TRIM14: variants seen among roughly 807,000 people sequenced by gnomAD.
The protein encoded by TRIM14 is tripartite motif containing 14.
A neutral mutation model predicts 44.5 loss-of-function variants in TRIM14; 28 were observed. That is an observed-to-expected ratio of 0.63 (90% confidence interval 0.47 to 0.86). TRIM14 has a LOEUF of 0.86. Ranked by LOEUF, TRIM14 falls within the 40% of genes least tolerant of loss-of-function variation. The pLI is 0.00. For synonymous variants in TRIM14, 299 were observed against 269.2 expected (o/e 1.11, Z -1.08); for missense variants, 607 against 611.1 (o/e 0.99, Z 0.07).
chr9:98,047,639 CATT>C, the TRIM14 span, among the ~76,000 whole-genome samples: 1 of 152,038 alleles, frequency 6.6e-6, no homozygotes, highest in Non-Finnish European at 1.5e-5. Context: ...AGTTACTTCA[CATT>C]ATGAGAGAAA....
At position 98,110,557 on chromosome 9, in the gene TRIM14, A is replaced by G. The variant is rs116907518; in HGVS notation, c.208-573T>C. ...TCCCCAAGGGTGTGATCTCGTCTCC[A>G]TCTTAGCCTTTCTTACAGCTGGCCT... On this transcript the variant is annotated intron_variant, in intron 1 of 5. Coordinates refer to ENST00000341469, the MANE Select transcript of TRIM14 (RefSeq NM_014788.4). 1.5e-4 allele frequency among the ~76,000 whole-genome samples: 23 copies of G among 151,948 alleles called. No individual in the cohort carries two copies. The East Asian group carries it at 4.5e-3, about 30-fold the overall frequency.
At chr9:98,061,512 T>G in the TRIM14 span, among the ~76,000 whole-genome samples, 2 of 141,386 alleles carry the variant, frequency 1.4e-5, no homozygotes, top group Non-Finnish European at 3.0e-5. Context: ...CCAGGCGCGG[T>G]GTCTCACACC....
chr9:98,051,793 T>C, the TRIM14 span, among the ~76,000 whole-genome samples: 5 of 151,780 alleles, frequency 3.3e-5, no homozygotes, highest in East Asian at 1.9e-4. Flanking sequence ...CCAGAGAAGA[T>C]AGTGCAATGC....
At chr9:98,100,478 T>G (rs1826350137) in intron 2 of TRIM14, among the ~76,000 whole-genome samples, 1 of 152,182 alleles carries the variant, frequency 6.6e-6, no homozygotes, top group African/African-American at 2.4e-5. Context: ...TCTAAATTAG[T>G]CTATAAATTT....
rs563656473 is a variant in TRIM14, at chr9:98,095,225, T to C, written c.538-196A>G. 3.8e-4 allele frequency among the ~76,000 whole-genome samples: 58 copies of C among 152,340 alleles called. No homozygotes were observed. Among genetic ancestry groups the C allele is most frequent in the Middle Eastern group, 3.4e-3 (1 of 294 alleles). On this transcript the variant is annotated intron_variant, in intron 3 of 5. Transcript: ENST00000341469. This position sits in a 1 kb window ranked among gnomAD's most constrained non-coding sequence, Gnocchi z 4.1. Reference sequence around the variant, plus strand: ...TACGGCATCCCTGAGGTGGGAGCCATGCGGAGGTGCGGTTTTTCAGTGCTG... The same window carrying C: ...TACGGCATCCCTGAGGTGGGAGCCACGCGGAGGTGCGGTTTTTCAGTGCTG...
chr9:98,106,945 G>C (rs1826637241), intron 2 of TRIM14, among the ~76,000 whole-genome samples: 1 of 151,502 alleles, frequency 6.6e-6, no homozygotes, highest in African/African-American at 2.4e-5. Flanking sequence ...TCCCACCTCA[G>C]CCTCCTGAGT....
the TRIM14 span, among the ~76,000 whole-genome samples, chr9:98,057,696 G>T: frequency 6.6e-6 from 1 of 151,970 alleles, no homozygotes; most frequent in Admixed American, 6.6e-5. Flanking sequence ...TCTTCATTAC[G>T]ACCCCAGCCC....
At chr9:98,115,112 C>T (rs907589449) in intron 1 of TRIM14, among the ~76,000 whole-genome samples, 3 of 151,398 alleles carry the variant, frequency 2.0e-5, no homozygotes, top group Non-Finnish European at 2.9e-5. Context: ...TTTTTTTAGA[C>T]AGAGTCTTGC....
chr9:98,042,271 C>T, the TRIM14 span, among the ~76,000 whole-genome samples: 5 of 131,988 alleles, frequency 3.8e-5, no homozygotes, highest in Non-Finnish European at 7.7e-5. Context: ...CCAGCCCAGG[C>T]GAACGTGCCA....
chr9:98,060,971 T>C, the TRIM14 span: 1 of 1,613,966 alleles, frequency 6.2e-7, no homozygotes, highest in Non-Finnish European at 8.5e-7. Context: ...GGTTGGGATC[T>C]TCTTCACTGC....
chr9:98,066,078 C>T (rs1045150973), downstream of TRIM14, among the ~76,000 whole-genome samples: 1 of 152,224 alleles, frequency 6.6e-6, no homozygotes, highest in Non-Finnish European at 1.5e-5. Flanking sequence ...CCTCCTCCTC[C>T]ATAGTTGCTT....
At chr9:98,114,444 C>T (rs1826972707) in intron 1 of TRIM14, among the ~76,000 whole-genome samples, 1 of 152,098 alleles carries the variant, frequency 6.6e-6, no homozygotes, top group Admixed American at 6.6e-5. Context: ...TGCCATTCTC[C>T]TGCCTCAGCC....
downstream of TRIM14, among the ~76,000 whole-genome samples, chr9:98,083,355 C>CTGGG (rs1213185633): frequency 6.6e-6 from 1 of 152,248 alleles, no homozygotes; most frequent in African/African-American, 2.4e-5. Context: ...CCTCCAGTTG[C>CTGGG]TGGGTGGCTG....
chr9:98,076,839 T>C, intron 6 of TRIM14: 1 of 1,171,512 alleles, frequency 8.5e-7, no homozygotes, highest in Non-Finnish European at 1.2e-6. Context: ...TTTTTCTACT[T>C]GTATGTTATT....
At chr9:98,048,380 A>C in the TRIM14 span, among the ~76,000 whole-genome samples, 1 of 152,162 alleles carries the variant, frequency 6.6e-6, no homozygotes, top group East Asian at 1.9e-4. Context: ...CCAGTAATCC[A>C]ATTAAGAAAT....
At chr9:98,078,177 G>T (rs757390996) in intron 6 of TRIM14, 5 of 1,614,016 alleles carry the variant, frequency 3.1e-6, no homozygotes, top group Non-Finnish European at 3.4e-6. Context: ...GATGGTGTTG[G>T]TGCTGGATTA....
rs1349758239 is a variant in TRIM14 at position 98,103,238 on chromosome 9, A to G, written c.304-3074T>C. ...ATGCAGTAGACCTATATGTCCTGGCAGGGAAAGTTCTCCAGAAAAAAAAAA... is the reference window on the plus strand; with the variant it reads ...ATGCAGTAGACCTATATGTCCTGGCGGGGAAAGTTCTCCAGAAAAAAAAAA... On this transcript the variant is annotated intron_variant, in intron 2 of 5. Transcript: ENST00000341469. Among the ~76,000 whole-genome samples the G allele has an allele frequency of 2.0e-5, 3 of 151,842 alleles. No homozygotes were observed. In the East Asian group the frequency reaches 5.8e-4, roughly 29 times the overall value.
At chr9:98,116,362 A>T (rs1827053209) in intron 1 of TRIM14, among the ~76,000 whole-genome samples, 1 of 151,874 alleles carries the variant, frequency 6.6e-6, no homozygotes, top group South Asian at 2.1e-4. Flanking sequence ...TTGTCTACAC[A>T]GTTCCCTTAC....
the TRIM14 span, among the ~76,000 whole-genome samples, chr9:98,064,208 C>T: frequency 1.3e-5 from 2 of 152,114 alleles, no homozygotes; most frequent in Non-Finnish European, 1.5e-5. Flanking sequence ...AGCATTCGTA[C>T]GCATGACATT....
Sources: gnomAD v4.1 joint callset for allele counts (sites outside exome capture counted in the v4.1 genomes callset) on GRCh38, gnomAD v4.1.1 for gene constraint, Gnocchi (gnomAD v3.1) non-coding constraint, MANE v1.5 for transcripts, NCBI Gene and HGNC (gene_info 2026-07-23, HGNC 2026-07-21) for gene names.